Variants in SBSPON observed in about 807,000 individuals in gnomAD.
SBSPON encodes somatomedin-B and thrombospondin type-1 domain-containing protein.
In SBSPON, 30 loss-of-function variants were observed where a neutral mutation model predicts 35.8. That is an observed-to-expected ratio of 0.84 (90% CI 0.63 to 1.14). The LOEUF (loss-of-function observed/expected upper bound fraction) is 1.14, where lower values mean the gene tolerates loss of function less well. SBSPON is among the 50% of genes most tolerant of loss of function. The pLI is 0.00. For synonymous variants in SBSPON, 136 were observed against 135.9 expected (o/e 1.00, Z 0.00); for missense variants, 364 against 357.7 (o/e 1.02, Z -0.14).
chr8:73,092,809 T>C lies in SBSPON; in HGVS notation c.214+45A>G, dbSNP rs1810960579. On this transcript the variant is annotated intron_variant, in intron 1 of 4. Coordinates refer to ENST00000297354, the MANE Select transcript of SBSPON (RefSeq NM_153225.4). ...CAGCGCCCTGCCCTGTGCCCGTTGG[T>C]TGCAGGCTAACGGCCGGCGCCCCAC... 2.7e-6 allele frequency: 4 copies of C among 1,500,108 alleles called. No individual in the cohort carries two copies. The African/African-American group carries it at 5.6e-5, about 21-fold the overall frequency. The allele number at this position is 1,500,108 out of a possible 1,614,324, so 92.9% of individuals were successfully genotyped here.
chr8:73,080,203 A>G (rs1286490201), intron 2 of SBSPON, among the ~76,000 whole-genome samples: 2 of 152,166 alleles, frequency 1.3e-5, no homozygotes, highest in African/African-American at 4.8e-5. Flanking sequence ...AGGGGCAGGT[A>G]AAACGAATCA....
intron 4 of SBSPON, 82 bp from the exon 5 acceptor site, chr8:73,067,540 TA>T (rs1431480939): frequency 3.7e-5 from 28 of 753,644 alleles, no homozygotes; most frequent in African/African-American, 8.5e-5. Context: ...AACTCGGAGT[TA>T]AAAAAAACTG....
chr8:73,090,143 G>T (rs1192940623), intron 1 of SBSPON, among the ~76,000 whole-genome samples: 2 of 152,220 alleles, frequency 1.3e-5, no homozygotes, highest in Non-Finnish European at 2.9e-5. Flanking sequence ...CTCCCACTGT[G>T]CTGGGATTAT....
At chr8:73,084,051 A>G (rs960881866) in intron 1 of SBSPON, among the ~76,000 whole-genome samples, 4 of 152,212 alleles carry the variant, frequency 2.6e-5, no homozygotes, top group Admixed American at 1.3e-4. Flanking sequence ...AGAGAGGGAG[A>G]CAGAAGAGAG....
chr8:73,076,737 G>C (rs1458209748), intron 2 of SBSPON, among the ~76,000 whole-genome samples: 1 of 151,910 alleles, frequency 6.6e-6, no homozygotes, highest in Non-Finnish European at 1.5e-5. Flanking sequence ...GACGGCGGCA[G>C]TGAGGAAAGG....
At chr8:73,070,746 C>T (rs1022403203) in intron 3 of SBSPON, among the ~76,000 whole-genome samples, 4 of 152,192 alleles carry the variant, frequency 2.6e-5, no homozygotes, top group Non-Finnish European at 5.9e-5. Flanking sequence ...TCCAATTCTT[C>T]AGGGAAACAA....
At chr8:73,070,090 A>G (rs1173117801) in intron 3 of SBSPON, 109 bp from the exon 4 acceptor site, 6 of 616,284 alleles carry the variant, frequency 9.7e-6, no homozygotes, top group Non-Finnish European at 1.4e-5. Context: ...CGACTGGAGC[A>G]GGTAGTGAGT....
In SBSPON at chr8:73,065,860, G is replaced by C. The variant is rs1253528479; in HGVS notation, c.*1481C>G. On this transcript the variant is annotated 3_prime_UTR_variant, in exon 5 of 5. Coordinates refer to ENST00000297354, the MANE Select transcript of SBSPON (RefSeq NM_153225.4). ...TCTAGCTTAATAAATGTTAGAAACA[G>C]TATGAAAATGTTAATACTGACTTAA... The C allele has an allele frequency of 6.6e-6, 1 of 151,864 alleles. No individual in the cohort carries two copies. Among genetic ancestry groups the C allele is most frequent in the Non-Finnish European group, 1.5e-5 (1 of 68,028 alleles). The allele number at this position is 151,864 out of a possible 1,614,324, so 9.4% of individuals were successfully genotyped here. A position where few individuals can be genotyped will look rare whatever the true frequency, so the allele number is the denominator to read the frequency against.
At chr8:73,081,678 C>T (rs940063681) in intron 1 of SBSPON, among the ~76,000 whole-genome samples, 10 of 152,086 alleles carry the variant, frequency 6.6e-5, no homozygotes, top group African/African-American at 2.2e-4. Context: ...GTACTTCACC[C>T]ACCAACAATC....
At chr8:73,074,703 A>G in intron 2 of SBSPON, 2 of 370,982 alleles carry the variant, frequency 5.4e-6, no homozygotes, top group Non-Finnish European at 7.4e-6. Flanking sequence ...ATGTGAAGTC[A>G]GATTTAAGAA....
rs137876834 is a variant in SBSPON, at chr8:73,074,144, G to A, written c.410-2274C>T. 2.0e-5 allele frequency among the ~76,000 whole-genome samples: 3 copies of A among 152,258 alleles called. No individual in the cohort carries two copies. The East Asian group carries it at 5.8e-4, about 29-fold the overall frequency. ...AGAATCAATTTACTGCTAAATCCAT[G>A]CAGCATTACACAAGTCCACCTGTAA... On this transcript the variant is annotated intron_variant, in intron 2 of 4. Coordinates refer to ENST00000297354, the MANE Select transcript of SBSPON (RefSeq NM_153225.4).
At chr8:73,073,190 T>G (rs903748277) in intron 2 of SBSPON, among the ~76,000 whole-genome samples, 1 of 152,252 alleles carries the variant, frequency 6.6e-6, no homozygotes, top group Non-Finnish European at 1.5e-5. Context: ...GGTCATGGGC[T>G]TGCAGCCAAG....
At chr8:73,085,595 A>C (rs548836022) in intron 1 of SBSPON, 4 of 152,178 alleles carry the variant, frequency 2.6e-5, no homozygotes, top group African/African-American at 7.2e-5. Context: ...TCTCGGAGTT[A>C]CCACTGGACT....
rs948607820 is a variant in SBSPON, at chr8:73,066,688, C to T, written c.*653G>A. The T allele has an allele frequency of 1.3e-5, 2 of 152,066 alleles. No homozygotes were observed. Among genetic ancestry groups the T allele is most frequent in the African/African-American group, 2.4e-5 (1 of 41,416 alleles). 9.4% of individuals were successfully genotyped at this position (152,066 alleles called of 1,614,324 possible). ...AAATTATAACATTTAAAAGAACTCC[C>T]ATTGACCTACAATGAGCATTTGATC... On this transcript the variant is annotated 3_prime_UTR_variant, in exon 5 of 5. Transcript: ENST00000297354.
intron 2 of SBSPON, among the ~76,000 whole-genome samples, chr8:73,076,520 G>A (rs1244016972): frequency 2.0e-5 from 3 of 151,922 alleles, no homozygotes; most frequent in South Asian, 2.1e-4. Context: ...GTTGGTGCGC[G>A]CCTGTAATCC....
rs1233947160 is a variant in SBSPON at position 73,066,066 on chromosome 8, T to A, written c.*1275A>T. The A allele has an allele frequency of 6.6e-6, 1 of 152,184 alleles. No individual in the cohort carries two copies. Among genetic ancestry groups the A allele is most frequent in the African/African-American group, 2.4e-5 (1 of 41,456 alleles). 9.4% of individuals were successfully genotyped at this position (152,184 alleles called of 1,614,324 possible). A position where few individuals can be genotyped will look rare whatever the true frequency, so the allele number is the denominator to read the frequency against. On this transcript the variant is annotated 3_prime_UTR_variant, in exon 5 of 5. Transcript: ENST00000297354. The stretch of plus-strand genomic sequence containing the variant: ...CTGTTGTGAATCTGTCATTACATGA[T>A]AAGGACCAAGAAATACGTATTTTAG...
intron 2 of SBSPON, chr8:73,074,579 A>G: frequency 3.0e-6 from 3 of 984,556 alleles, no homozygotes; most frequent in African/African-American, 3.5e-5. Flanking sequence ...GCGGCACTCC[A>G]CTGCCTCTGT....
At chr8:73,079,873 A>G (rs1810661587) in intron 2 of SBSPON, among the ~76,000 whole-genome samples, 1 of 152,176 alleles carries the variant, frequency 6.6e-6, no homozygotes, top group African/African-American at 2.4e-5. Flanking sequence ...GCGCCAGCCC[A>G]GCACCTGGCA....
At chr8:73,070,591 T>G (rs1426424838) in intron 3 of SBSPON, among the ~76,000 whole-genome samples, 1 of 152,206 alleles carries the variant, frequency 6.6e-6, no homozygotes, top group Non-Finnish European at 1.5e-5. Context: ...AGTGGGAGGC[T>G]GAGACACACT....
Sources: gnomAD v4.1 joint callset for allele counts (sites outside exome capture counted in the v4.1 genomes callset) on GRCh38, gnomAD v4.1.1 for gene constraint, MANE v1.5 for transcripts, NCBI Gene and HGNC (gene_info 2026-07-23, HGNC 2026-07-21) for gene names.